ZNF516: variants seen among roughly 807,000 people sequenced by gnomAD.
The protein encoded by ZNF516 is zinc finger protein 516.
ZNF516 carries 19 observed loss-of-function variants against 79.7 expected under a neutral mutation model. The observed-to-expected ratio is 0.24, with a 90% confidence interval of 0.17 to 0.35. ZNF516 has a LOEUF of 0.35. Ranked by LOEUF, ZNF516 falls within the 10% of genes least tolerant of loss-of-function variation. ZNF516 has a pLI of 1.00. For synonymous variants in ZNF516, 877 were observed against 739.5 expected (o/e 1.19, Z -3.02); for missense variants, 1,678 against 1,679.5 (o/e 1.00, Z 0.02).
intron 1 of ZNF516, among the ~76,000 whole-genome samples, chr18:76,473,372 A>C (rs1350409185): frequency 6.7e-6 from 1 of 150,300 alleles, no homozygotes; most frequent in Non-Finnish European, 1.5e-5. Context: ...AAAAAAAAAA[A>C]AAAAAAACAC....
At chr18:76,398,672 T>C (rs1409552428) in intron 3 of ZNF516, among the ~76,000 whole-genome samples, 1 of 152,192 alleles carries the variant, frequency 6.6e-6, no homozygotes, top group African/African-American at 2.4e-5. Context: ...TCACAAAGAA[T>C]ACAATTAAAC....
At chr18:76,490,381 T>C (rs1458966577) in intron 1 of ZNF516, among the ~76,000 whole-genome samples, 1 of 152,218 alleles carries the variant, frequency 6.6e-6, no homozygotes, top group Non-Finnish European at 1.5e-5. Context: ...AACAGTTACC[T>C]GACGACATAA....
chr18:76,370,655 A>T, intron 5 of ZNF516, 60 bp from the exon 6 acceptor site: 2 of 1,432,474 alleles, frequency 1.4e-6, no homozygotes, highest in Non-Finnish European at 1.9e-6. Flanking sequence ...GTGCACATTA[A>T]ATGAGTCCAT....
rs374806037 is a variant in ZNF516 at position 76,378,865 on chromosome 18, C to T, written c.3249G>A (p.Leu1083=). ...YQGWGVSGPG[L]EHRGTLRTQA... is the part of the protein sequence containing the mutation. Reference sequence around the variant, plus strand: ...GCCCGCACATCTTACCTCTGTGCTCCAACCCAGGGCCGCTGACACCCCATC... The same window carrying T: ...GCCCGCACATCTTACCTCTGTGCTCTAACCCAGGGCCGCTGACACCCCATC... The change falls in exon 4 of 7, where the codon TTG becomes TTA. Residue 1083 remains leucine (L), a synonymous_variant. Coordinates refer to ENST00000443185, the MANE Select transcript of ZNF516 (RefSeq NM_014643.4). The T allele has an allele frequency of 3.7e-5, 60 of 1,612,838 alleles. No homozygotes were observed. The South Asian group carries it at 6.2e-4, about 17-fold the overall frequency.
intron 3 of ZNF516, among the ~76,000 whole-genome samples, chr18:76,439,162 TCA>T (rs1385639491): frequency 1.3e-5 from 2 of 152,232 alleles, no homozygotes; most frequent in East Asian, 1.9e-4. Flanking sequence ...ATCCCACAAA[TCA>T]CAGTGTTTTG....
At chr18:76,425,399 C>A (rs2075580222) in intron 3 of ZNF516, among the ~76,000 whole-genome samples, 1 of 152,214 alleles carries the variant, frequency 6.6e-6, no homozygotes, top group Non-Finnish European at 1.5e-5. Context: ...CTAAATAAGG[C>A]TAGCTCATGC....
At chr18:76,492,931 G>A in intron 1 of ZNF516, 26 of 985,586 alleles carry the variant, frequency 2.6e-5, no homozygotes, top group Non-Finnish European at 3.0e-5. Flanking sequence ...GATGCGCGGG[G>A]CTGGCCAGAC....
Position 76,459,979 on chromosome 18 carries a change from A to C in ZNF516, c.-158+3049T>G, listed in dbSNP as rs1912998903. ...AATCATGTCCACTGCACTAGAATGC[A>C]GTCTTTTAACCACTATCAACATACG... On this transcript the variant is annotated intron_variant, in intron 2 of 6. Transcript: ENST00000443185. The surrounding 1 kb of genome is among the most constrained non-coding windows in gnomAD (Gnocchi z 5.0). Among the ~76,000 whole-genome samples, 1 of 152,204 alleles carries C rather than the reference A, an allele frequency of 6.6e-6. No individual in the cohort carries two copies. Among genetic ancestry groups the C allele is most frequent in the African/African-American group, 2.4e-5 (1 of 41,456 alleles).
rs1288027228 is a variant in ZNF516 at position 76,463,149 on chromosome 18, G to A, written c.-271-8C>T. 1 of 152,238 alleles carries A rather than the reference G, an allele frequency of 6.6e-6. No homozygotes were observed. The highest frequency in any genetic ancestry group is 2.4e-5 in the African/African-American group (1 of 41,460). 9.4% of individuals were successfully genotyped at this position (152,238 alleles called of 1,614,324 possible). On this transcript the variant is annotated splice_polypyrimidine_tract_variant and splice_region_variant and intron_variant, in intron 1 of 6. Coordinates refer to ENST00000443185, the MANE Select transcript of ZNF516 (RefSeq NM_014643.4). ...CTCGGCCTCTCTCAGATTCTGAAAT[G>A]AGGAAAAGTTTAGTATTCATCTAAT...
chr18:76,427,513 T>C (rs926492415), intron 3 of ZNF516, among the ~76,000 whole-genome samples: 1 of 152,212 alleles, frequency 6.6e-6, no homozygotes, highest in African/African-American at 2.4e-5. Flanking sequence ...AGGTTTTACA[T>C]GGGTTAACAC....
At chr18:76,427,146 T>TC (rs1342371036) in intron 3 of ZNF516, among the ~76,000 whole-genome samples, 4 of 152,216 alleles carry the variant, frequency 2.6e-5, no homozygotes, top group African/African-American at 9.7e-5. Context: ...TTCCTGCCCT[T>TC]CTTCCCTTCA....
intron 2 of ZNF516, among the ~76,000 whole-genome samples, chr18:76,456,372 T>C (rs1225331084): frequency 6.6e-6 from 1 of 152,200 alleles, no homozygotes; most frequent in Non-Finnish European, 1.5e-5. Flanking sequence ...GGCCCCAAAA[T>C]CTTGCTTCCA....
At chr18:76,409,321 TTCA>T (rs1312542764) in intron 3 of ZNF516, among the ~76,000 whole-genome samples, 1 of 152,186 alleles carries the variant, frequency 6.6e-6, no homozygotes, top group Non-Finnish European at 1.5e-5. Flanking sequence ...TCACAAAATA[TTCA>T]TTATTGAAAT....
chr18:76,377,378 G>A (rs1167081536), intron 4 of ZNF516, among the ~76,000 whole-genome samples: 1 of 152,284 alleles, frequency 6.6e-6, no homozygotes, highest in African/African-American at 2.4e-5. Context: ...GTTGGCTGGA[G>A]TAAGGCCTTT....
intron 3 of ZNF516, among the ~76,000 whole-genome samples, chr18:76,381,180 G>A (rs957238176): frequency 6.6e-6 from 1 of 152,204 alleles, no homozygotes; most frequent in African/African-American, 2.4e-5. Flanking sequence ...CGAGGTGTGG[G>A]CTGTGCTCGG....
chr18:76,418,363 ACTGTAACACT>A (rs1568275005), intron 3 of ZNF516, among the ~76,000 whole-genome samples: 1 of 151,914 alleles, frequency 6.6e-6, no homozygotes. Context: ...GCTGTAACAC[ACTGTAACACT>A]AACACACACT....
At chr18:76,477,568 C>A (rs1020720926) in intron 1 of ZNF516, among the ~76,000 whole-genome samples, 2 of 152,166 alleles carry the variant, frequency 1.3e-5, no homozygotes, top group Non-Finnish European at 2.9e-5. Context: ...TTTGTGCTTT[C>A]TTTGTGGCAC....
chr18:76,480,405 G>A (rs1914440405), intron 1 of ZNF516, among the ~76,000 whole-genome samples: 1 of 151,916 alleles, frequency 6.6e-6, no homozygotes, highest in Non-Finnish European at 1.5e-5. Flanking sequence ...CTACAGGCCC[G>A]CGGGCCAAAC....
intron 1 of ZNF516, among the ~76,000 whole-genome samples, chr18:76,466,728 G>C (rs1221359342): frequency 6.6e-6 from 1 of 152,240 alleles, no homozygotes; most frequent in African/African-American, 2.4e-5. Context: ...CGTGCCTACA[G>C]TGGGGGCTGG....
Sources: allele counts gnomAD v4.1 joint callset (sites outside exome capture counted in the v4.1 genomes callset), GRCh38; gene constraint gnomAD v4.1.1; non-coding constraint Gnocchi (gnomAD v3.1); transcripts MANE v1.5; gene names NCBI Gene and HGNC (gene_info 2026-07-23, HGNC 2026-07-21).